MGAT4A: variants seen among roughly 807,000 people sequenced by gnomAD.
MGAT4A encodes the protein N-acetylglucosaminyltransferase IVa.
Under a neutral mutation model 74.1 loss-of-function variants are expected in MGAT4A, and 33 were observed. That is an observed-to-expected ratio of 0.45 (90% confidence interval 0.34 to 0.60). The LOEUF (loss-of-function observed/expected upper bound fraction) is 0.60, where lower values mean the gene tolerates loss of function less well. Among genes scored for constraint, MGAT4A ranks in the 20% least tolerant of loss-of-function variants. MGAT4A has a pLI of 0.02. For synonymous variants in MGAT4A, 198 were observed against 210.4 expected (o/e 0.94, Z 0.51); for missense variants, 479 against 628.3 (o/e 0.76, Z 2.54).
intron 12 of MGAT4A, among the ~76,000 whole-genome samples, chr2:98,637,740 C>T (rs192321445): frequency 3.9e-5 from 6 of 152,278 alleles, no homozygotes; most frequent in Non-Finnish European, 7.4e-5. Flanking sequence ...TCACCTTTCA[C>T]GAGTTTCCTC....
At chr2:98,639,678 T>TA (rs1383296294) in intron 12 of MGAT4A, 130 bp downstream of exon 12, 1 of 667,654 alleles carries the variant, frequency 1.5e-6, no homozygotes, top group East Asian at 2.8e-5. Context: ...ACATGTAATT[T>TA]AAAGCCCAAC....
chr2:98,725,842 AC>A, intron 2 of MGAT4A: 1 of 253,564 alleles, frequency 3.9e-6, no homozygotes, highest in Non-Finnish European at 7.4e-6. Context: ...TGTAAATCTC[AC>A]GAAGGCACTA....
At position 98,678,293 on chromosome 2, in the gene MGAT4A, ACT is replaced by A. The variant is rs1702009357; in HGVS notation, c.262+9_262+10del. On this transcript the variant is annotated intron_variant, in intron 3 of 15. Transcript: ENST00000393487. ...AAAATCTTTTTATAATATAAAAAAT[ACT>A]GTTTGTACCTGAAAACTTATTCAAC... 3 of 1,227,198 alleles carry A rather than the reference ACT, an allele frequency of 2.4e-6. No homozygotes were observed. The highest frequency in any genetic ancestry group is 3.2e-6 in the Non-Finnish European group (3 of 944,836). 76.0% of individuals were successfully genotyped at this position (1,227,198 alleles called of 1,614,324 possible).
chr2:98,673,930 G>A (rs113000480), intron 4 of MGAT4A, among the ~76,000 whole-genome samples: 1,533 of 152,272 alleles, frequency 0.01, 19 homozygotes, highest in African/African-American at 0.036. Context: ...GTTAGTCTCT[G>A]TATACCTGGC....
intron 2 of MGAT4A, among the ~76,000 whole-genome samples, chr2:98,720,774 T>G (rs899081041): frequency 6.6e-6 from 1 of 150,512 alleles, no homozygotes; most frequent in African/African-American, 2.5e-5. Context: ...GAGAAAAAAA[T>G]GAAAAATGAA....
At chr2:98,642,210 G>C (rs1255981124) in intron 10 of MGAT4A, among the ~76,000 whole-genome samples, 1 of 152,168 alleles carries the variant, frequency 6.6e-6, no homozygotes, top group Non-Finnish European at 1.5e-5. Context: ...AAGAGAGAGA[G>C]AAGACTGGGG....
intron 4 of MGAT4A, among the ~76,000 whole-genome samples, chr2:98,667,987 G>T (rs922761995): frequency 6.6e-6 from 1 of 152,118 alleles, no homozygotes; most frequent in African/African-American, 2.4e-5. Context: ...CAAAGTGCTG[G>T]GATCACAGGC....
In MGAT4A at chr2:98,678,321, G is replaced by T. The variant is rs778344428; in HGVS notation, c.245C>A (p.Ala82Glu). The T allele has an allele frequency of 4.3e-6, 6 of 1,399,046 alleles. No homozygotes were observed. In the African/African-American group the frequency reaches 8.8e-5, roughly 20 times the overall value. 86.7% of individuals were successfully genotyped at this position (1,399,046 alleles called of 1,614,324 possible). A position where few individuals can be genotyped will look rare whatever the true frequency, so the allele number is the denominator to read the frequency against. Reference protein sequence around the residue: ...VGAETNGSKDALNKFSDNTLK... With the variant: ...VGAETNGSKDELNKFSDNTLK... The stretch of plus-strand genomic sequence containing the variant: ...GTTTGTACCTGAAAACTTATTCAAC[G>T]CATCCTTACTTCCATTTGTTTCTGC... Residue 82 changes from alanine (A) to glutamate (E), a missense_variant, in exon 3 of 16, where the codon GCG becomes GAG. This residue lies in a region of MGAT4A where 205 missense variants were observed against 232.7 expected (regional missense o/e 0.88). Transcript: ENST00000393487.
intron 2 of MGAT4A, among the ~76,000 whole-genome samples, chr2:98,684,056 C>G (rs1375820829): frequency 6.6e-6 from 1 of 152,194 alleles, no homozygotes; most frequent in Non-Finnish European, 1.5e-5. Context: ...ATCTGGAAAG[C>G]CAACTCAGCT....
intron 14 of MGAT4A, among the ~76,000 whole-genome samples, chr2:98,634,657 A>G (rs1701290129): frequency 6.6e-6 from 1 of 151,010 alleles, no homozygotes; most frequent in Non-Finnish European, 1.5e-5. Flanking sequence ...AGACTTTCAG[A>G]TGAAAAACCG....
Position 98,678,460 on chromosome 2 carries a change from C to T in MGAT4A, c.106G>A (p.Ala36Thr), listed in dbSNP as rs1177633948. Residue 36 changes from alanine to threonine, a missense_variant, in exon 3 of 16, where the codon GCT (alanine) becomes ACT (threonine). Ala to Thr is a moderately conservative substitution (Grantham distance 58). Around this residue, in one of 3 missense-constraint regions of MGAT4A, gnomAD observed 205 missense variants for 232.7 expected, o/e 0.88. Transcript: ENST00000393487. The stretch of plus-strand genomic sequence containing the variant: ...AAAGCAAGGAATTCTCGTTGATAAG[C>T]AATCAGTTTTTCTAGAAGCAAAACC... ...TWQNGKEKLI[A>T]YQREFLALKE... The T allele has an allele frequency of 6.4e-7, 1 of 1,571,634 alleles. No individual in the cohort carries two copies. Among genetic ancestry groups the T allele is most frequent in the Admixed American group, 1.7e-5 (1 of 58,906 alleles).
chr2:98,639,238 A>T (rs1278324070), intron 12 of MGAT4A, among the ~76,000 whole-genome samples: 2 of 151,998 alleles, frequency 1.3e-5, no homozygotes, highest in East Asian at 1.9e-4. Flanking sequence ...AATGAGCTAC[A>T]TTGCACCATT....
intron 2 of MGAT4A, among the ~76,000 whole-genome samples, chr2:98,702,110 A>G (rs988223172): frequency 2.6e-5 from 4 of 152,250 alleles, no homozygotes; most frequent in African/African-American, 9.6e-5. Flanking sequence ...GTGTTTATTC[A>G]TGAAACCCAC....
rs1702851971 is a variant in MGAT4A at position 98,731,111 on chromosome 2, T to TGTAGCC, written c.-300_-299insGGCTAC. 1 of 68,176 alleles carries TGTAGCC rather than the reference T, an allele frequency of 1.5e-5. No homozygotes were observed. Among genetic ancestry groups the TGTAGCC allele is most frequent in the African/African-American group, 1.2e-4 (1 of 8,462 alleles). The allele number at this position is 68,176 out of a possible 1,614,324, so 4.2% of individuals were successfully genotyped here. ...GAGCTGCTGTAGCCGCCGCCGCCGC[T>TGTAGCC]GCCGCCGCCGCTGCGGGCCGCCCCG... On this transcript the variant is annotated 5_prime_UTR_variant, in exon 1 of 16. Transcript: ENST00000393487. The surrounding 1 kb of genome is among the most constrained non-coding windows in gnomAD (Gnocchi z 4.8).
intron 4 of MGAT4A, among the ~76,000 whole-genome samples, chr2:98,667,575 T>C (rs1047061825): frequency 1.3e-5 from 2 of 152,224 alleles, no homozygotes; most frequent in Non-Finnish European, 2.9e-5. Context: ...ATTTTGCCCC[T>C]GCCCTAGAGA....
At chr2:98,626,490 G>A (rs1397155398) in intron 14 of MGAT4A, among the ~76,000 whole-genome samples, 3 of 152,036 alleles carry the variant, frequency 2.0e-5, no homozygotes, top group Non-Finnish European at 4.4e-5. Flanking sequence ...AAAAAATGTC[G>A]TCAGAAAAGT....
At chr2:98,627,323 A>C (rs1432112488) in intron 14 of MGAT4A, among the ~76,000 whole-genome samples, 2 of 152,140 alleles carry the variant, frequency 1.3e-5, no homozygotes, top group African/African-American at 4.8e-5. Flanking sequence ...TTGTCTTGTA[A>C]TTTTAGGTTG....
intron 14 of MGAT4A, among the ~76,000 whole-genome samples, chr2:98,630,004 C>T (rs963109444): frequency 5.9e-5 from 9 of 152,184 alleles, no homozygotes; most frequent in African/African-American, 2.2e-4. Context: ...CAAGATTGTG[C>T]CACTGCACTC....
At chr2:98,729,167 G>GAA (rs71978870) in intron 1 of MGAT4A, among the ~76,000 whole-genome samples, 5,247 of 144,692 alleles carry the variant, frequency 0.036, 218 homozygotes, top group African/African-American at 0.1. Flanking sequence ...CCTAATATAT[G>GAA]AAAAAAAAAA....
Sources: gnomAD v4.1 joint callset for allele counts (sites outside exome capture counted in the v4.1 genomes callset) on GRCh38, gnomAD v4.1.1 for gene constraint, gnomAD v4.1.1 regional missense constraint, Gnocchi (gnomAD v3.1) non-coding constraint, MANE v1.5 for transcripts, NCBI Gene and HGNC (gene_info 2026-07-23, HGNC 2026-07-21) for gene names.